TAF5L: variants seen among roughly 807,000 people sequenced by gnomAD.
TAF5L encodes the protein TAF5-like RNA polymerase II p300/CBP-associated factor-associated factor 65 kDa subunit 5L.
Under a neutral mutation model 51.3 loss-of-function variants are expected in TAF5L, and 7 were observed. The ratio of observed to expected loss-of-function variants is 0.14; its 90% CI spans 0.08 to 0.26. The LOEUF is 0.26. Among genes scored for constraint, TAF5L ranks in the 10% least tolerant of loss-of-function variants. TAF5L has a pLI of 1.00. For synonymous variants in TAF5L, 291 were observed against 308.1 expected (o/e 0.94, Z 0.58); for missense variants, 575 against 758.9 (o/e 0.76, Z 2.85).
intron 1 of TAF5L, among the ~76,000 whole-genome samples, chr1:229,621,553 C>T (rs1571856042): frequency 6.6e-6 from 1 of 152,176 alleles, no homozygotes; most frequent in African/African-American, 2.4e-5. Context: ...AGGAAAAAGA[C>T]AATTTGCTTC....
Position 229,595,101 on chromosome 1 carries a change from A to G in TAF5L, c.973-7T>C, listed in dbSNP as rs763836589. The G allele has an allele frequency of 1.3e-6, 2 of 1,578,578 alleles. No individual in the cohort carries two copies. On this transcript the variant is annotated splice_polypyrimidine_tract_variant and splice_region_variant and intron_variant, in intron 4 of 4. Transcript: ENST00000258281. ...CATTATCATCCTCATCATCCTGGGA[A>G]CAGTGGGGTGGGGTGGGAAAAGAAA...
chr1:229,594,271 C>T lies in TAF5L; in HGVS notation c.*26G>A. 6 of 1,586,012 alleles carry T rather than the reference C, an allele frequency of 3.8e-6. No homozygotes were observed. Among genetic ancestry groups the T allele is most frequent in the Non-Finnish European group, 5.2e-6 (6 of 1,164,470 alleles). ...AACTGGAGGCTTTCCACTGTTACCC[C>T]AGTCCGTTCCAACAAAGTTAAAAAA... On this transcript the variant is annotated 3_prime_UTR_variant, in exon 5 of 5. Transcript: ENST00000258281. This position sits in a 1 kb window ranked among gnomAD's most constrained non-coding sequence, Gnocchi z 7.9.
rs751323739 is a variant in TAF5L at position 229,625,440 on chromosome 1, T to G, written c.-4+445A>C. Among the ~76,000 whole-genome samples the G allele has an allele frequency of 6.6e-6, 1 of 152,126 alleles. No homozygotes were observed. The highest frequency in any genetic ancestry group is 2.4e-5 in the African/African-American group (1 of 41,438). ...CCACGCACGATCACCATGTGCAAAGTTGAATCCCGACTTCGCCGCAAAGAC... is the reference window on the plus strand; with the variant it reads ...CCACGCACGATCACCATGTGCAAAGGTGAATCCCGACTTCGCCGCAAAGAC... On this transcript the variant is annotated intron_variant, in intron 1 of 4. Coordinates refer to ENST00000258281, the Ensembl canonical transcript of TAF5L. This position sits in a 1 kb window ranked among gnomAD's most constrained non-coding sequence, Gnocchi z 4.0.
Position 229,602,834 on chromosome 1 carries a change from A to G in TAF5L, c.333T>C (p.Ser111=), listed in dbSNP as rs768051895. 3.7e-6 allele frequency: 6 copies of G among 1,612,412 alleles called. No individual in the cohort carries two copies. The highest frequency in any genetic ancestry group is 5.1e-6 in the Non-Finnish European group (6 of 1,180,038). Residue 111 remains serine, a synonymous_variant, in exon 4 of 5, where the codon AGT becomes AGC. Transcript: ENST00000258281. This position sits in a 1 kb window ranked among gnomAD's most constrained non-coding sequence, Gnocchi z 4.6. ...AAAAACTTTCCACTGTGCTCTTCGG[A>G]CTGTTTTGGACCAGGTTGAGATGGA...
chr1:229,594,059 G>A lies in TAF5L; in HGVS notation c.*238C>T. 2.1e-6 allele frequency: 1 copy of A among 481,678 alleles called. No homozygotes were observed. Among genetic ancestry groups the A allele is most frequent in the Non-Finnish European group, 3.8e-6 (1 of 263,074 alleles). 29.8% of individuals were successfully genotyped at this position (481,678 alleles called of 1,614,324 possible). On this transcript the variant is annotated 3_prime_UTR_variant, in exon 5 of 5. Coordinates refer to ENST00000258281, the Ensembl canonical transcript of TAF5L. The surrounding 1 kb of genome is among the most constrained non-coding windows in gnomAD (Gnocchi z 7.9). ...AGAGTCTCCATGAGGACTTGTGAGT[G>A]ACCTCCAGGGCACTCTAATTCTTGA...
In TAF5L at chr1:229,602,087, A is replaced by T. The variant is rs750225763; in HGVS notation, c.972+108T>A. ...ATGTCATTAGTCTGGCTTTAGCTAT[A>T]TGATGAGGGAAACTAGGAAGTCCAT... On this transcript the variant is annotated intron_variant, in intron 4 of 4. Coordinates refer to ENST00000258281, the Ensembl canonical transcript of TAF5L. The surrounding 1 kb of genome is among the most constrained non-coding windows in gnomAD (Gnocchi z 4.6). 1.5e-4 allele frequency: 227 copies of T among 1,521,164 alleles called. 1 individual carries two copies. Among genetic ancestry groups the T allele is most frequent in the Non-Finnish European group, 1.8e-4 (204 of 1,135,988 alleles). The allele number at this position is 1,521,164 out of a possible 1,614,324, so 94.2% of individuals were successfully genotyped here. A position where few individuals can be genotyped will look rare whatever the true frequency, so the allele number is the denominator to read the frequency against.
chr1:229,595,169 C>A, intron 4 of TAF5L, 75 bp from the exon 5 acceptor site: 2 of 1,460,458 alleles, frequency 1.4e-6, no homozygotes, highest in Non-Finnish European at 1.8e-6. Flanking sequence ...GAAAACAAGT[C>A]CAGGAGAAAA....
At chr1:229,610,261 T>G (rs764018129) in intron 2 of TAF5L, 51 bp from the exon 3 acceptor site, 80 of 1,562,994 alleles carry the variant, frequency 5.1e-5, no homozygotes, top group Non-Finnish European at 6.1e-5. Context: ...GAGACGATTA[T>G]TAACCCAGTA....
At chr1:229,620,155 A>G (rs985873715) in intron 1 of TAF5L, among the ~76,000 whole-genome samples, 8 of 152,098 alleles carry the variant, frequency 5.3e-5, no homozygotes, top group African/African-American at 1.9e-4. Context: ...TTAAAAAAAA[A>G]AAATTGCGGC....
Position 229,602,644 on chromosome 1 carries a change from G to A in TAF5L, c.523C>T (p.Leu175Phe). 2 of 1,614,186 alleles carry A rather than the reference G, an allele frequency of 1.2e-6. No individual in the cohort carries two copies. Among genetic ancestry groups the A allele is most frequent in the Non-Finnish European group, 1.7e-6 (2 of 1,180,036 alleles). Residue 175 changes from leucine to phenylalanine, a missense_variant, in exon 4 of 5, where the codon CTT (leucine) becomes TTT (phenylalanine). Leu to Phe is a conservative substitution (Grantham distance 22). Transcript: ENST00000258281. This position sits in a 1 kb window ranked among gnomAD's most constrained non-coding sequence, Gnocchi z 4.6. ...TTGTCACTTTGGAGGTAGCGGATAA[G>A]GTAGTTGTAGCTGTCTTCTTGGAGA...
chr1:229,600,271 TCAA>T (rs1381098485), intron 4 of TAF5L: 3 of 985,246 alleles, frequency 3.0e-6, no homozygotes, highest in African/African-American at 3.5e-5. Context: ...AGGAAGCCCC[TCAA>T]CAACAGAATA....
rs764638900 is a variant in TAF5L, at chr1:229,594,813, C to A, written c.1254G>T (p.Pro418=). 1.2e-6 allele frequency: 2 copies of A among 1,614,064 alleles called. No individual in the cohort carries two copies. Among genetic ancestry groups the A allele is most frequent in the Non-Finnish European group, 8.5e-7 (1 of 1,180,044 alleles). ...CCAGGTGTCCTGCATATATCCTCAGCGGGTACGTCCGATCAAATGACCACA... is the reference window on the plus strand; with the variant it reads ...CCAGGTGTCCTGCATATATCCTCAGAGGGTACGTCCGATCAAATGACCACA... Residue 418 remains proline, a synonymous_variant, in exon 5 of 5, where the codon CCG becomes CCT. Coordinates refer to ENST00000258281, the Ensembl canonical transcript of TAF5L. This position sits in a 1 kb window ranked among gnomAD's most constrained non-coding sequence, Gnocchi z 7.9.
At chr1:229,617,498 C>A (rs1225486943) in intron 1 of TAF5L, among the ~76,000 whole-genome samples, 1 of 152,216 alleles carries the variant, frequency 6.6e-6, no homozygotes, top group African/African-American at 2.4e-5. Flanking sequence ...CACTGCCGAT[C>A]TTTTGCTGAC....
chr1:229,605,341 A>T (rs1385365188), intron 3 of TAF5L, among the ~76,000 whole-genome samples: 1 of 152,232 alleles, frequency 6.6e-6, no homozygotes, highest in Non-Finnish European at 1.5e-5. Flanking sequence ...CACGGAGAGG[A>T]GTAAACATCA....
intron 1 of TAF5L, among the ~76,000 whole-genome samples, chr1:229,615,054 G>A (rs767359835): frequency 6.6e-6 from 1 of 152,148 alleles, no homozygotes; most frequent in Non-Finnish European, 1.5e-5. Context: ...TTAGGGATTT[G>A]CAAAATGTGT....
chr1:229,614,208 T>C, intron 2 of TAF5L, 133 bp downstream of exon 2: 1 of 1,440,692 alleles, frequency 6.9e-7, no homozygotes, highest in East Asian at 2.4e-5. Flanking sequence ...TCACTTAACG[T>C]AGCTCACTGA....
At chr1:229,614,581 G>C (rs1252981246) in intron 1 of TAF5L, 96 bp from the exon 2 acceptor site, 5 of 1,502,312 alleles carry the variant, frequency 3.3e-6, no homozygotes, top group Admixed American at 3.9e-5. Flanking sequence ...ACACATGGGA[G>C]AGAAAGACCA....
At chr1:229,603,934 T>C (rs1401404510) in intron 3 of TAF5L, among the ~76,000 whole-genome samples, 2 of 152,256 alleles carry the variant, frequency 1.3e-5, no homozygotes, top group African/African-American at 4.8e-5. Context: ...TCACCAGTGC[T>C]GTCCAGATGC....
intron 1 of TAF5L, among the ~76,000 whole-genome samples, chr1:229,618,565 A>G (rs1408509631): frequency 1.3e-5 from 2 of 152,216 alleles, no homozygotes; most frequent in African/African-American, 2.4e-5. Flanking sequence ...TTGCTATATA[A>G]AATCCCACAT....
Sources: gnomAD v4.1 joint callset for allele counts (sites outside exome capture counted in the v4.1 genomes callset) on GRCh38, gnomAD v4.1.1 for gene constraint, Gnocchi (gnomAD v3.1) non-coding constraint, MANE v1.5 for transcripts, NCBI Gene and HGNC (gene_info 2026-07-23, HGNC 2026-07-21) for gene names.